IFT52: variants seen among roughly 807,000 people sequenced by gnomAD.
The protein encoded by IFT52 is intraflagellar transport 52, also known as intraflagellar transport protein 52 homolog.
A neutral mutation model predicts 54.4 loss-of-function variants in IFT52; 44 were observed. The observed-to-expected ratio is 0.81, with a 90% CI of 0.63 to 1.04. IFT52 has a LOEUF of 1.04. Among genes scored for constraint, IFT52 ranks in the 50% least tolerant of loss-of-function variants. The pLI is 0.00. For missense variants in IFT52, 452 were observed against 523.6 expected (o/e 0.86, Z 1.33); for synonymous variants, 181 against 185.3 (o/e 0.98, Z 0.19).
At chr20:43,633,161 T>C (rs1183751709) in intron 10 of IFT52, among the ~76,000 whole-genome samples, 5 of 151,520 alleles carry the variant, frequency 3.3e-5, no homozygotes, top group Non-Finnish European at 5.9e-5. Context: ...CTGACCAACA[T>C]AGAGAACCCC....
At chr20:43,636,950 A>G (rs1985576342) in intron 11 of IFT52, among the ~76,000 whole-genome samples, 195 bp from the exon 12 acceptor site, 1 of 152,136 alleles carries the variant, frequency 6.6e-6, no homozygotes, top group African/African-American at 2.4e-5. Flanking sequence ...TCCTCAGGGA[A>G]GAGCCGAGTT....
intron 6 of IFT52, among the ~76,000 whole-genome samples, chr20:43,610,008 A>G (rs1983298237): frequency 6.6e-6 from 1 of 151,882 alleles, no homozygotes; most frequent in African/African-American, 2.4e-5. Context: ...GCATAGAAGT[A>G]CTTAAAGAAG....
chr20:43,618,053 T>G (rs1425819160), intron 7 of IFT52, among the ~76,000 whole-genome samples: 1 of 152,214 alleles, frequency 6.6e-6, no homozygotes, highest in Non-Finnish European at 1.5e-5. Flanking sequence ...TCAGCCTGCT[T>G]TAGCTTTCTA....
intron 6 of IFT52, among the ~76,000 whole-genome samples, chr20:43,610,098 A>T (rs1264998099): frequency 6.6e-6 from 1 of 151,794 alleles, no homozygotes; most frequent in Admixed American, 6.6e-5. Context: ...TTAAGAGTTC[A>T]GGACCAGCCT....
Position 43,633,914 on chromosome 20 carries a change from A to G in IFT52, c.924-2012A>G, listed in dbSNP as rs1014382282. On this transcript the variant is annotated intron_variant, in intron 10 of 13. Coordinates refer to ENST00000373030, the MANE Select transcript of IFT52 (RefSeq NM_016004.5). ...TGCGGTGGCTCATGCATGTAATCCC[A>G]TCACTTTGGGAAGCTGAAACAGGAG... is the stretch of plus-strand genomic sequence containing the variant. 5.3e-5 allele frequency among the ~76,000 whole-genome samples: 8 copies of G among 151,844 alleles called. No homozygotes were observed. In the South Asian group the frequency reaches 6.2e-4, roughly 12 times the overall value.
chr20:43,642,193 G>T, intron 12 of IFT52: 1 of 300,182 alleles, frequency 3.3e-6, no homozygotes, highest in Non-Finnish European at 6.1e-6. Context: ...ATTTCCTACT[G>T]TTGCACCTGT....
chr20:43,609,393 C>G (rs1404552367), intron 6 of IFT52, among the ~76,000 whole-genome samples: 1 of 152,086 alleles, frequency 6.6e-6, no homozygotes, highest in East Asian at 1.9e-4. Context: ...TGGCATAATT[C>G]TGGGTAAACA....
intron 11 of IFT52, among the ~76,000 whole-genome samples, chr20:43,636,802 G>A (rs73907876): frequency 0.011 from 1,661 of 152,294 alleles, 22 homozygotes; most frequent in African/African-American, 0.03. Flanking sequence ...GAGTTAATTA[G>A]CATTGGTATG....
Position 43,636,020 on chromosome 20 carries a change from A to G in IFT52, c.1011+7A>G. On this transcript the variant is annotated splice_region_variant and intron_variant, in intron 11 of 13. Coordinates refer to ENST00000373030, the MANE Select transcript of IFT52 (RefSeq NM_016004.5). ...GCCAACCCTTCAGCCTGCGGTGAGT[A>G]GGTGTGCTTGGGAGATCCCACTGCA... The G allele has an allele frequency of 6.2e-7, 1 of 1,613,834 alleles. No individual in the cohort carries two copies. Among genetic ancestry groups the G allele is most frequent in the Non-Finnish European group, 8.5e-7 (1 of 1,179,788 alleles).
At chr20:43,627,908 G>T (rs367736639) in intron 10 of IFT52, among the ~76,000 whole-genome samples, 8,454 of 108,400 alleles carry the variant, frequency 0.078, 1,135 homozygotes, top group Middle Eastern at 0.11. Flanking sequence ...TATATATAGA[G>T]AGAGAGAGAG....
rs1600487892 is a variant in IFT52, at chr20:43,619,909, A to C, written c.699+883A>C. Among the ~76,000 whole-genome samples the C allele has an allele frequency of 2.3e-5, 2 of 86,748 alleles. 1 individual carries two copies. The allele number at this position is 86,748 out of a possible 152,430, so 56.9% of individuals were successfully genotyped here. On this transcript the variant is annotated intron_variant, in intron 8 of 13. Transcript: ENST00000373030. ...ACATTATGGGAGATCTAGATATTCT[A>C]CTTTTTTTTTTTTTTTTTTTTTTTT...
intron 10 of IFT52, among the ~76,000 whole-genome samples, chr20:43,626,348 C>G (rs1984721182): frequency 6.6e-6 from 1 of 151,544 alleles, no homozygotes; most frequent in Admixed American, 6.6e-5. Flanking sequence ...ACTGCGACCT[C>G]TGCCTCCCAG....
intron 10 of IFT52, among the ~76,000 whole-genome samples, chr20:43,627,229 C>A (rs907538159): frequency 6.6e-6 from 1 of 151,492 alleles, no homozygotes; most frequent in Non-Finnish European, 1.5e-5. Context: ...AAAGCGCCAG[C>A]GAGTGTGAGA....
Position 43,623,903 on chromosome 20 carries a change from ATGATGCTG to A in IFT52, c.782_789del (p.Met261ThrfsTer18). 1 of 1,614,044 alleles carries A rather than the reference ATGATGCTG, an allele frequency of 6.2e-7. No individual in the cohort carries two copies. The highest frequency in any genetic ancestry group is 1.7e-5 in the Admixed American group (1 of 60,004). The stretch of plus-strand genomic sequence containing the variant: ...TTGTGGCTTTCAGATTTCTGACTAC[ATGATGCTG>A]CCCTACACAGCCACCCTATCAAAGC... On this transcript the variant is annotated frameshift_variant, in exon 10 of 14. Transcript: ENST00000373030. LOFTEE classifies it high-confidence loss of function.
intron 13 of IFT52, among the ~76,000 whole-genome samples, chr20:43,642,964 C>T (rs914980363): frequency 2.0e-5 from 3 of 151,530 alleles, no homozygotes; most frequent in Admixed American, 6.6e-5. Context: ...GTCAGGAGTT[C>T]GAGACCAGCC....
At chr20:43,599,704 G>A (rs1982271549) in intron 3 of IFT52, among the ~76,000 whole-genome samples, 1 of 152,150 alleles carries the variant, frequency 6.6e-6, no homozygotes, top group African/African-American at 2.4e-5. Context: ...AGAAACTTCT[G>A]TGACAGGACA....
Position 43,620,926 on chromosome 20 carries a change from G to T in IFT52, c.768+1G>T. 6.2e-7 allele frequency: 1 copy of T among 1,607,244 alleles called. No homozygotes were observed. The highest frequency in any genetic ancestry group is 8.5e-7 in the Non-Finnish European group (1 of 1,175,418). ...CCAGATTGATGCTGAGGACCCAGAG[G>T]TAGACACCGAATTATTAGAAACTTT... On this transcript the variant is annotated splice_donor_variant, in intron 9 of 13. Coordinates refer to ENST00000373030, the MANE Select transcript of IFT52 (RefSeq NM_016004.5). LOFTEE classifies it high-confidence loss of function.
intron 12 of IFT52, among the ~76,000 whole-genome samples, chr20:43,640,267 C>T (rs949858592): frequency 7.2e-5 from 11 of 151,752 alleles, no homozygotes; most frequent in African/African-American, 2.7e-4. Context: ...CCAGCCTGGC[C>T]AAGATGGTAA....
Position 43,635,967 on chromosome 20 carries a change from T to A in IFT52, c.965T>A (p.Leu322His). 6.2e-7 allele frequency: 1 copy of A among 1,614,180 alleles called. No individual in the cohort carries two copies. Among genetic ancestry groups the A allele is most frequent in the Non-Finnish European group, 8.5e-7 (1 of 1,180,018 alleles). ...AATGTGAAACATGAACCACTCCAGC[T>A]CATCCAGCCTCAGTTTGAGACGCCG... ...QLNVKHEPLQ[L>H]IQPQFETPLP... is the part of the protein sequence containing the mutation. The change falls in exon 11 of 14, where the codon CTC (leucine) becomes CAC (histidine). Residue 322 changes from leucine to histidine, a missense_variant. Coordinates refer to ENST00000373030, the MANE Select transcript of IFT52 (RefSeq NM_016004.5).
Sources: gnomAD v4.1 joint callset for allele counts (sites outside exome capture counted in the v4.1 genomes callset) on GRCh38, gnomAD v4.1.1 for gene constraint, MANE v1.5 for transcripts, NCBI Gene and HGNC (gene_info 2026-07-23, HGNC 2026-07-21) for gene names.